FSTL5: variants seen among roughly 807,000 people sequenced by gnomAD.
The protein encoded by FSTL5 is follistatin like 5.
In FSTL5, 62 loss-of-function variants were observed where a neutral mutation model predicts 89.1. The ratio of observed to expected loss-of-function variants is 0.70; its 90% confidence interval spans 0.57 to 0.86. FSTL5 has a LOEUF of 0.86. FSTL5 is among the 40% of genes least tolerant of loss of function. The pLI, the probability that FSTL5 is intolerant of heterozygous loss-of-function variation, is 0.00. For missense variants in FSTL5, 1,057 were observed against 1,001.6 expected (o/e 1.06, Z -0.75); for synonymous variants, 383 against 346.2 (o/e 1.11, Z -1.18).
At chr4:161,514,443 G>T (rs75203675) in intron 10 of FSTL5, among the ~76,000 whole-genome samples, 27,752 of 151,944 alleles carry the variant, frequency 0.18, 3,261 homozygotes, top group Non-Finnish European at 0.26. Context: ...ACATAAAAAA[G>T]AAACAATAGA....
chr4:161,391,803 G>C (rs1730832402), intron 15 of FSTL5, among the ~76,000 whole-genome samples: 2 of 152,140 alleles, frequency 1.3e-5, no homozygotes, highest in Admixed American at 6.5e-5. Context: ...TTTCTGAATG[G>C]TCCTAATGCT....
chr4:161,784,323 G>A (rs1741801496), intron 4 of FSTL5, among the ~76,000 whole-genome samples: 1 of 151,812 alleles, frequency 6.6e-6, no homozygotes, highest in African/African-American at 2.4e-5. Context: ...ATTTTGATTT[G>A]TAATTCTGTG....
chr4:161,498,877 T>G (rs1304186947), intron 12 of FSTL5, among the ~76,000 whole-genome samples: 1 of 152,132 alleles, frequency 6.6e-6, no homozygotes, highest in Non-Finnish European at 1.5e-5. Flanking sequence ...ATTCAAAGAC[T>G]GACTTAATAA....
chr4:161,532,834 CAA>C (rs761102193), intron 10 of FSTL5, among the ~76,000 whole-genome samples: 1 of 152,184 alleles, frequency 6.6e-6, no homozygotes, highest in African/African-American at 2.4e-5. Context: ...TGCCATAACA[CAA>C]GTCTTAATAA....
At chr4:161,861,118 T>A (rs968952790) in intron 4 of FSTL5, among the ~76,000 whole-genome samples, 3 of 152,206 alleles carry the variant, frequency 2.0e-5, no homozygotes, top group Admixed American at 2.0e-4. Flanking sequence ...ATATCCTTTT[T>A]TCTTGTCATA....
intron 15 of FSTL5, among the ~76,000 whole-genome samples, chr4:161,397,172 GAA>G (rs1344494746): frequency 3.3e-5 from 5 of 151,984 alleles, no homozygotes; most frequent in Non-Finnish European, 5.9e-5. Flanking sequence ...AAAACACAAA[GAA>G]AACTATTCGA....
In FSTL5 at chr4:161,385,929, C is replaced by T. The variant is rs570353299; in HGVS notation, c.2362G>A (p.Ala788Thr). ...MIKSLKEPLKAEEWPWNRKNR... is the reference protein window; with the variant it reads ...MIKSLKEPLKTEEWPWNRKNR... ...TTCCGGTTCCAAGGCCATTCTTCTG[C>T]CTTGAGTGGTTCCTTGAGACTCTTT... is the stretch of plus-strand genomic sequence containing the variant. Residue 788 changes from alanine to threonine, a missense_variant, in exon 16 of 16, where the codon GCA (alanine) becomes ACA (threonine). Physicochemically the swap from Ala to Thr is moderately conservative, Grantham distance 58. Transcript: ENST00000306100. The T allele has an allele frequency of 6.2e-7, 1 of 1,613,914 alleles. No individual in the cohort carries two copies. The highest frequency in any genetic ancestry group is 2.2e-5 in the East Asian group (1 of 44,868).
At chr4:161,730,428 TTTTTA>T (rs1400032880) in intron 6 of FSTL5, among the ~76,000 whole-genome samples, 1 of 151,964 alleles carries the variant, frequency 6.6e-6, no homozygotes, top group Non-Finnish European at 1.5e-5. Context: ...CCTATTTTGT[TTTTTA>T]TTTTATTTAA....
At chr4:161,564,497 AATTT>A (rs1052309862) in intron 8 of FSTL5, among the ~76,000 whole-genome samples, 18 of 148,906 alleles carry the variant, frequency 1.2e-4, no homozygotes, top group African/African-American at 3.1e-4. Context: ...TAACTAATAT[AATTT>A]ATTTAATTAA....
intron 7 of FSTL5, among the ~76,000 whole-genome samples, chr4:161,644,484 C>G (rs1366049231): frequency 6.6e-6 from 1 of 151,504 alleles, no homozygotes; most frequent in East Asian, 2.0e-4. Flanking sequence ...CGAGGCCGCA[C>G]CATTGCACTG....
intron 4 of FSTL5, among the ~76,000 whole-genome samples, chr4:161,787,673 A>G (rs1579092982): frequency 6.6e-6 from 1 of 152,108 alleles, no homozygotes; most frequent in African/African-American, 2.4e-5. Flanking sequence ...TCTAGCTGAC[A>G]TTTTGATTTT....
At chr4:161,608,008 C>T (rs903813438) in intron 7 of FSTL5, among the ~76,000 whole-genome samples, 2 of 151,994 alleles carry the variant, frequency 1.3e-5, no homozygotes, top group East Asian at 3.9e-4. Flanking sequence ...AAAATAAATA[C>T]TTGGATCTGA....
chr4:162,058,326 G>C (rs750608853), intron 2 of FSTL5, among the ~76,000 whole-genome samples: 1 of 151,678 alleles, frequency 6.6e-6, no homozygotes, highest in African/African-American at 2.4e-5. Context: ...GGAAAGCAAG[G>C]ATATCAAATG....
chr4:161,606,799 A>T lies in FSTL5; in HGVS notation c.895-19224T>A, dbSNP rs1734461928. The stretch of plus-strand genomic sequence containing the variant: ...GAGACCATTTTTCTTCATACCAGCA[A>T]TGGGAGACTGTGAATCTAAATTGCA... On this transcript the variant is annotated intron_variant, in intron 7 of 15. Transcript: ENST00000306100. Among the ~76,000 whole-genome samples the T allele has an allele frequency of 1.3e-5, 2 of 152,146 alleles. 1 individual carries two copies. Among genetic ancestry groups the T allele is most frequent in the South Asian group, 4.1e-4 (2 of 4,826 alleles).
chr4:161,636,460 C>CTTTTTTTTTT (rs67780564), intron 7 of FSTL5, among the ~76,000 whole-genome samples: 20 of 121,048 alleles, frequency 1.7e-4, no homozygotes, highest in East Asian at 2.5e-4. Flanking sequence ...TTTTTTTTTT[C>CTTTTTTTTTT]TTTTTTTTTT....
At chr4:161,567,615 C>A (rs1394133078) in intron 8 of FSTL5, among the ~76,000 whole-genome samples, 1 of 151,758 alleles carries the variant, frequency 6.6e-6, no homozygotes, top group East Asian at 1.9e-4. Context: ...GTAGATATAA[C>A]CAGATTATAA....
intron 4 of FSTL5, among the ~76,000 whole-genome samples, chr4:161,814,619 A>C (rs1026019968): frequency 6.6e-6 from 1 of 152,126 alleles, no homozygotes; most frequent in African/African-American, 2.4e-5. Flanking sequence ...ATATAATAGA[A>C]TTTTTGGTAC....
chr4:161,824,875 G>A lies in FSTL5; in HGVS notation c.410-48801C>T, dbSNP rs187662256. 9.9e-5 allele frequency among the ~76,000 whole-genome samples: 15 copies of A among 151,728 alleles called. No individual in the cohort carries two copies. The East Asian group carries it at 2.9e-3, about 29-fold the overall frequency. ...GGTTTTCTAGGTATACTATTTGGAT[G>A]CCCTTTATTTCTTTCTCTTGTCTGA... On this transcript the variant is annotated intron_variant, in intron 4 of 15. Transcript: ENST00000306100.
At chr4:162,153,745 A>ATACATATATATGTATACAGATATATGT (rs375756150) in intron 1 of FSTL5, among the ~76,000 whole-genome samples, 1 of 109,854 alleles carries the variant, frequency 9.1e-6, no homozygotes, top group Non-Finnish European at 1.9e-5. Flanking sequence ...TGTATATAAT[A>ATACATATATATGTATACAGATATATGT]ATATACATGT....
Sources: gnomAD v4.1 joint callset for allele counts (sites outside exome capture counted in the v4.1 genomes callset) on GRCh38, gnomAD v4.1.1 for gene constraint, MANE v1.5 for transcripts, NCBI Gene and HGNC (gene_info 2026-07-23, HGNC 2026-07-21) for gene names.